The following TRAPPC8 variants were observed in gnomAD, a reference collection of about 807,000 sequenced individuals.
The protein encoded by TRAPPC8 is general sporulation gene 1 homolog.
A neutral mutation model predicts 174.3 loss-of-function variants in TRAPPC8; 54 were observed. The ratio of observed to expected loss-of-function variants is 0.31; its 90% CI spans 0.25 to 0.39. The LOEUF is 0.39. Among genes scored for constraint, TRAPPC8 ranks in the 10% least tolerant of loss-of-function variants. TRAPPC8 has a pLI of 1.00. For synonymous variants in TRAPPC8, 630 were observed against 579.9 expected, an observed-to-expected ratio of 1.09 and a Z score of -1.24; for missense variants, 1,531 against 1,699.1, an observed-to-expected ratio of 0.90 and a Z score of 1.74.
At chr18:31,922,896 A>C (rs1391960587) in intron 2 of TRAPPC8, among the ~76,000 whole-genome samples, 2 of 152,102 alleles carry the variant, frequency 1.3e-5, no homozygotes, top group African/African-American at 2.4e-5. Flanking sequence ...CCACACCTGT[A>C]GTCCCCGCTA....
chr18:31,890,942 T>G (rs1395863628), intron 11 of TRAPPC8, 76 bp from the exon 12 acceptor site: 2 of 1,377,168 alleles, frequency 1.5e-6, no homozygotes, highest in Admixed American at 4.6e-5. Context: ...AAAAAAACAT[T>G]TAATTTCTTA....
At chr18:31,886,582 T>G (rs2035729178) in intron 12 of TRAPPC8, among the ~76,000 whole-genome samples, 1 of 152,164 alleles carries the variant, frequency 6.6e-6, no homozygotes, top group Non-Finnish European at 1.5e-5. Context: ...TCACATACAC[T>G]CTTCCCCAGC....
At chr18:31,905,802 C>T (rs1342195539) in intron 9 of TRAPPC8, among the ~76,000 whole-genome samples, 1 of 152,120 alleles carries the variant, frequency 6.6e-6, no homozygotes, top group African/African-American at 2.4e-5. Context: ...ATATTATTTT[C>T]TCTCAAATAG....
At chr18:31,882,880 A>G (rs12966118) in intron 12 of TRAPPC8, among the ~76,000 whole-genome samples, 150,223 of 150,224 alleles carry the variant, frequency 1, 75,111 homozygotes, top group Middle Eastern at 1. Flanking sequence ...CACCCAAAGT[A>G]CTGGGATTAC....
chr18:31,910,732 C>A (rs1206423192), intron 5 of TRAPPC8, among the ~76,000 whole-genome samples: 1 of 152,126 alleles, frequency 6.6e-6, no homozygotes, highest in Non-Finnish European at 1.5e-5. Context: ...GGATGTAAAA[C>A]CTCTAAACTA....
chr18:31,839,599 TAGC>T (rs2032976296), intron 26 of TRAPPC8, 142 bp from the exon 27 acceptor site: 2 of 658,568 alleles, frequency 3.0e-6, no homozygotes, highest in Non-Finnish European at 4.6e-6. Context: ...GTTAAGCTAA[TAGC>T]TGCTATCATT....
intron 20 of TRAPPC8, among the ~76,000 whole-genome samples, chr18:31,856,352 G>A (rs977052398): frequency 3.9e-5 from 6 of 151,968 alleles, no homozygotes; most frequent in Non-Finnish European, 5.9e-5. Flanking sequence ...GGATATTTAG[G>A]GTTAATGTGC....
chr18:31,854,899 G>C (rs1429250563), intron 21 of TRAPPC8, among the ~76,000 whole-genome samples: 1 of 146,806 alleles, frequency 6.8e-6, no homozygotes, highest in Non-Finnish European at 1.5e-5. Flanking sequence ...CCGGGAGGTG[G>C]AGCTTGCAGT....
In TRAPPC8 at chr18:31,916,350, G is replaced by C; in HGVS notation, c.539C>G (p.Ser180Cys). The C allele has an allele frequency of 6.2e-7, 1 of 1,613,706 alleles. No homozygotes were observed. The highest frequency in any genetic ancestry group is 2.2e-5 in the East Asian group (1 of 44,842). The change falls in exon 4 of 29, where the codon TCC (serine) becomes TGC (cysteine). Residue 180 changes from serine to cysteine, a missense_variant. Transcript: ENST00000283351. ...QHRIQHNSDY[S>C]YPKWFIPNTL... is the part of the protein sequence containing the mutation. ...ATTTGGTATAAACCACTTGGGGTAG[G>C]AATAATCACTGTTGTGCTGAATTCG...
chr18:31,910,793 C>T (rs2036872303), intron 5 of TRAPPC8, among the ~76,000 whole-genome samples: 1 of 152,210 alleles, frequency 6.6e-6, no homozygotes. Context: ...TCTGATATTT[C>T]TGCTTTCTGC....
intron 18 of TRAPPC8, among the ~76,000 whole-genome samples, chr18:31,866,316 C>T (rs1348777403): frequency 6.6e-6 from 1 of 151,994 alleles, no homozygotes; most frequent in Admixed American, 6.6e-5. Flanking sequence ...ATGTTAAATG[C>T]ACATATCGTG....
intron 11 of TRAPPC8, among the ~76,000 whole-genome samples, chr18:31,892,770 AT>A (rs1216391820): frequency 6.6e-6 from 1 of 152,170 alleles, no homozygotes; most frequent in Non-Finnish European, 1.5e-5. Context: ...CACACCTGTA[AT>A]TCCAGAACTT....
intron 26 of TRAPPC8, 73 bp from the exon 27 acceptor site, chr18:31,839,530 T>C (rs1021320044): frequency 3.7e-6 from 5 of 1,363,584 alleles, no homozygotes; most frequent in African/African-American, 1.5e-5. Flanking sequence ...GCATAGTGTA[T>C]ATATACAAAA....
At position 31,928,151 on chromosome 18, in the gene TRAPPC8, G is replaced by A. The variant is rs546513485; in HGVS notation, c.352+3178C>T. Among the ~76,000 whole-genome samples the A allele has an allele frequency of 1.0e-4, 15 of 148,424 alleles. No individual in the cohort carries two copies. The East Asian group carries it at 1.4e-3, about 14-fold the overall frequency. The stretch of plus-strand genomic sequence containing the variant: ...AGCCTGGGCAAAAGAGTGAGACTCC[G>A]ACTAAAAAAAATAAAATAAAATAAA... On this transcript the variant is annotated intron_variant, in intron 2 of 28. Transcript: ENST00000283351.
At chr18:31,859,638 T>C (rs1479474008) in intron 19 of TRAPPC8, among the ~76,000 whole-genome samples, 1 of 152,210 alleles carries the variant, frequency 6.6e-6, no homozygotes. Flanking sequence ...GTAACAGTGA[T>C]AGAACACATA....
chr18:31,860,628 G>C (rs1468258404), intron 19 of TRAPPC8, among the ~76,000 whole-genome samples: 1 of 151,994 alleles, frequency 6.6e-6, no homozygotes, highest in Non-Finnish European at 1.5e-5. Flanking sequence ...GAAATATTAG[G>C]CACAGGAATA....
chr18:31,939,355 T>C (rs2038235938), intron 1 of TRAPPC8: 1 of 152,136 alleles, frequency 6.6e-6, no homozygotes, highest in South Asian at 2.1e-4. Context: ...TGTCCAAATG[T>C]TTCAGACCCT....
intron 11 of TRAPPC8, 117 bp from the exon 12 acceptor site, chr18:31,890,983 A>C (rs2035930577): frequency 2.2e-6 from 2 of 911,834 alleles, no homozygotes; most frequent in Non-Finnish European, 3.0e-6. Context: ...TTAACTTAAG[A>C]GTATATGAGG....
chr18:31,908,822 T>A lies in TRAPPC8; in HGVS notation c.1054A>T (p.Ile352Leu), dbSNP rs762965127. The change falls in exon 7 of 29, where the codon ATA becomes TTA. Residue 352 changes from isoleucine to leucine, a missense_variant. Ile to Leu is a conservative substitution (Grantham distance 5). Coordinates refer to ENST00000283351, the MANE Select transcript of TRAPPC8 (RefSeq NM_014939.5). Reference protein sequence around the residue: ...LTDHDRIRQFIQEFTFRGLLP... With the variant: ...LTDHDRIRQFLQEFTFRGLLP... ...AGGCCCCGAAATGTGAACTCTTGTATAAACTGTCGAATTCTATCATGATCA... is the reference window on the plus strand; with the variant it reads ...AGGCCCCGAAATGTGAACTCTTGTAAAAACTGTCGAATTCTATCATGATCA... The A allele has an allele frequency of 6.2e-7, 1 of 1,613,750 alleles. No individual in the cohort carries two copies.
Sources: gnomAD v4.1 joint callset for allele counts (sites outside exome capture counted in the v4.1 genomes callset) on GRCh38, gnomAD v4.1.1 for gene constraint, MANE v1.5 for transcripts, NCBI Gene and HGNC (gene_info 2026-07-23, HGNC 2026-07-21) for gene names.